PTPRQ: variants seen among roughly 807,000 people sequenced by gnomAD.
The protein encoded by PTPRQ is phosphatidylinositol phosphatase PTPRQ.
A neutral mutation model predicts 246.0 loss-of-function variants in PTPRQ; 199 were observed. That is an observed-to-expected ratio of 0.81 (90% CI 0.72 to 0.91). The LOEUF is 0.91. Among genes scored for constraint, PTPRQ ranks in the 40% least tolerant of loss-of-function variants. PTPRQ has a pLI of 0.00. For synonymous variants in PTPRQ, 869 were observed against 853.2 expected (o/e 1.02, Z -0.32); for missense variants, 2,624 against 2,528.4 (o/e 1.04, Z -0.81).
chr12:80,649,309 A>G (rs1565840925), intron 36 of PTPRQ, among the ~76,000 whole-genome samples: 2 of 152,176 alleles, frequency 1.3e-5, no homozygotes. Context: ...TCATGCCCTT[A>G]CATTTACTTG....
chr12:80,673,587 C>T (rs1901041430), intron 43 of PTPRQ, among the ~76,000 whole-genome samples: 1 of 152,062 alleles, frequency 6.6e-6, no homozygotes, highest in Non-Finnish European at 1.5e-5. Flanking sequence ...TTATCTTTAT[C>T]GTTTAGCAAC....
chr12:80,657,921 T>C (rs1160100328), intron 38 of PTPRQ, 64 bp from the exon 39 acceptor site: 7 of 1,189,124 alleles, frequency 5.9e-6, no homozygotes, highest in Non-Finnish European at 7.9e-6. Context: ...ATTACTTTTA[T>C]AGTAAAAAAA....
Position 80,677,749 on chromosome 12 carries a change from C to T in PTPRQ, c.6739-853C>T, listed in dbSNP as rs150138269. Among the ~76,000 whole-genome samples, 950 of 152,180 alleles carry T rather than the reference C, an allele frequency of 6.2e-3. 9 individuals are homozygous for T. The highest frequency in any genetic ancestry group is 0.022 in the African/African-American group (900 of 41,540). On this transcript the variant is annotated intron_variant, in intron 43 of 44. Coordinates refer to ENST00000644991, the MANE Select transcript of PTPRQ (RefSeq NM_001145026.2). ...TTTTGAGGTACAGTAGCAATAGATACGAATATAACCTCTGAGGCTGATCAC... is the reference window on the plus strand; with the variant it reads ...TTTTGAGGTACAGTAGCAATAGATATGAATATAACCTCTGAGGCTGATCAC...
intron 30 of PTPRQ, among the ~76,000 whole-genome samples, chr12:80,618,360 T>TCACACACACACA (rs3071377): frequency 3.3e-4 from 42 of 125,636 alleles, no homozygotes; most frequent in African/African-American, 9.7e-4. Context: ...AGCACTACAT[T>TCACACACACACA]CACACACACA....
chr12:80,614,533 A>G (rs1390202356), intron 29 of PTPRQ, among the ~76,000 whole-genome samples: 2 of 150,950 alleles, frequency 1.3e-5, no homozygotes, highest in African/African-American at 2.4e-5. Context: ...CAGGTCATTG[A>G]TAATAATTTG....
chr12:80,469,172 G>A (rs1243104380), intron 7 of PTPRQ, among the ~76,000 whole-genome samples: 3 of 152,150 alleles, frequency 2.0e-5, no homozygotes, highest in East Asian at 3.8e-4. Flanking sequence ...AAGAACAATG[G>A]ACTTTGACTA....
At chr12:80,508,456 G>A (rs766605414) in intron 16 of PTPRQ, among the ~76,000 whole-genome samples, 4 of 151,936 alleles carry the variant, frequency 2.6e-5, no homozygotes, top group African/African-American at 9.7e-5. Flanking sequence ...AAGTTATGTC[G>A]AAGCTGTGAC....
In PTPRQ at chr12:80,496,507, C is replaced by T. The variant is rs1396316842; in HGVS notation, c.2248C>T (p.Leu750Phe). 8 of 1,548,284 alleles carry T rather than the reference C, an allele frequency of 5.2e-6. No homozygotes were observed. The highest frequency in any genetic ancestry group is 7.0e-6 in the Non-Finnish European group (8 of 1,145,854). Reference protein sequence around the residue: ...FGHGNQVSSLLSVRTSETVPD... With the variant: ...FGHGNQVSSLFSVRTSETVPD... The stretch of plus-strand genomic sequence containing the variant: ...TCATGGCAATCAGGTATCTTCTTTA[C>T]TCTCTGTAAGGACTTCGGAGACTGG... The change falls in exon 14 of 45, where the codon CTC becomes TTC. Residue 750 changes from leucine (L) to phenylalanine (F), a missense_variant. Coordinates refer to ENST00000644991, the MANE Select transcript of PTPRQ (RefSeq NM_001145026.2).
At chr12:80,601,668 T>C (rs1898148539) in intron 26 of PTPRQ, among the ~76,000 whole-genome samples, 1 of 151,808 alleles carries the variant, frequency 6.6e-6, no homozygotes, top group South Asian at 2.1e-4. Flanking sequence ...ACATTAATAA[T>C]AAGGGAGCCT....
chr12:80,478,471 G>C (rs1308346506), intron 8 of PTPRQ, among the ~76,000 whole-genome samples: 1 of 151,820 alleles, frequency 6.6e-6, no homozygotes, highest in African/African-American at 2.4e-5. Context: ...AAAGCAGAGC[G>C]CCTCTCCTCC....
chr12:80,468,562 T>G, intron 6 of PTPRQ, 148 bp from the exon 7 acceptor site: 1 of 744,644 alleles, frequency 1.3e-6, no homozygotes. Context: ...TTATATTCCA[T>G]TTATTCTTTT....
At chr12:80,654,561 T>A (rs1900365148) in intron 38 of PTPRQ, among the ~76,000 whole-genome samples, 2 of 152,098 alleles carry the variant, frequency 1.3e-5, no homozygotes, top group South Asian at 4.1e-4. Context: ...TTGTATAGAA[T>A]TAATGGCCTG....
chr12:80,646,100 C>A (rs1456021213), intron 35 of PTPRQ, among the ~76,000 whole-genome samples: 3 of 151,948 alleles, frequency 2.0e-5, no homozygotes, highest in Admixed American at 6.6e-5. Flanking sequence ...TGGAAAAAAT[C>A]CCTTCCTTAT....
chr12:80,553,818 AC>A (rs1896559039), intron 25 of PTPRQ, among the ~76,000 whole-genome samples: 1 of 152,214 alleles, frequency 6.6e-6, no homozygotes, highest in South Asian at 2.1e-4. Flanking sequence ...TACAAATAAT[AC>A]AGCAAGTCCA....
intron 3 of PTPRQ, chr12:80,454,499 A>G (rs1430669865): frequency 2.7e-5 from 19 of 702,280 alleles, no homozygotes; most frequent in Non-Finnish European, 4.9e-5. Context: ...GCCTTCCAGT[A>G]CTGTGTTCAA....
intron 32 of PTPRQ, among the ~76,000 whole-genome samples, 176 bp downstream of exon 32, chr12:80,620,552 C>A (rs919637943): frequency 6.6e-6 from 1 of 151,724 alleles, no homozygotes; most frequent in Admixed American, 6.6e-5. Flanking sequence ...TTCTTACATT[C>A]CATAAACATA....
intron 30 of PTPRQ, 24 bp downstream of exon 30, chr12:80,616,290 A>G: frequency 1.4e-6 from 2 of 1,452,168 alleles, no homozygotes; most frequent in Non-Finnish European, 9.1e-7. Flanking sequence ...CTACCTTCCT[A>G]TGAAATGCTA....
intron 17 of PTPRQ, among the ~76,000 whole-genome samples, chr12:80,521,811 C>A (rs1895501210): frequency 6.6e-6 from 1 of 151,986 alleles, no homozygotes; most frequent in South Asian, 2.1e-4. Context: ...CCTCCAGCTT[C>A]ATTCTTTTGG....
At chr12:80,534,842 AT>A in intron 18 of PTPRQ, 49 bp from the exon 19 acceptor site, 1 of 1,517,466 alleles carries the variant, frequency 6.6e-7, no homozygotes, top group Non-Finnish European at 8.8e-7. Context: ...CATTTCAGAC[AT>A]TACTTGTAAA....
Sources: allele counts gnomAD v4.1 joint callset (sites outside exome capture counted in the v4.1 genomes callset), GRCh38; gene constraint gnomAD v4.1.1; transcripts MANE v1.5; gene names NCBI Gene and HGNC (gene_info 2026-07-23, HGNC 2026-07-21).